Variants in C8orf76 observed in about 807,000 individuals in gnomAD.
The protein encoded by C8orf76 is uncharacterized protein C8orf76.
C8orf76 carries 46 observed loss-of-function variants against 38.1 expected under a neutral mutation model. The ratio of observed to expected loss-of-function variants is 1.21; its 90% confidence interval spans 0.95 to 1.54. C8orf76 has a LOEUF of 1.54. Among genes scored for constraint, C8orf76 ranks in the 40% most tolerant of loss-of-function variants. C8orf76 has a pLI of 0.00. For missense variants in C8orf76, 461 were observed against 441.6 expected, an observed-to-expected ratio of 1.04 and a Z score of -0.39; for synonymous variants, 166 against 167.5, an observed-to-expected ratio of 0.99 and a Z score of 0.07.
At chr8:123,226,323 G>A (rs1390918773) in intron 5 of C8orf76, 177 bp downstream of exon 5, 1 of 1,455,624 alleles carries the variant, frequency 6.9e-7, no homozygotes. Context: ...GCACGCTGCA[G>A]GGGAATGCCG....
chr8:123,230,984 A>G (rs558967393), intron 4 of C8orf76, among the ~76,000 whole-genome samples: 7 of 152,152 alleles, frequency 4.6e-5, no homozygotes, highest in African/African-American at 1.7e-4. Flanking sequence ...TTTTTGTAGA[A>G]ATGGGATTTC....
At chr8:123,235,200 A>G (rs1211548760) in intron 3 of C8orf76, among the ~76,000 whole-genome samples, 1 of 152,198 alleles carries the variant, frequency 6.6e-6, no homozygotes, top group Non-Finnish European at 1.5e-5. Flanking sequence ...CTATAAGAAA[A>G]TGTTGTAATT....
At chr8:123,231,035 C>T (rs974055844) in intron 4 of C8orf76, among the ~76,000 whole-genome samples, 4 of 152,152 alleles carry the variant, frequency 2.6e-5, no homozygotes, top group African/African-American at 9.7e-5. Flanking sequence ...TGAGCTCAAA[C>T]GATCCACCTG....
At chr8:123,234,044 T>C (rs1169931062) in intron 3 of C8orf76, among the ~76,000 whole-genome samples, 1 of 149,542 alleles carries the variant, frequency 6.7e-6, no homozygotes, top group Admixed American at 6.7e-5. Flanking sequence ...AAAAAAAAAA[T>C]CTATTTAAAT....
chr8:123,231,675 T>G lies in C8orf76; in HGVS notation c.440A>C (p.Glu147Ala). Residue 147 changes from glutamate to alanine, a missense_variant, in exon 4 of 6, where the codon GAG becomes GCG. Physicochemically the swap from Glu to Ala is moderately radical, Grantham distance 107. Transcript: ENST00000276704. Reference sequence around the variant, plus strand: ...TTTCTGCAGGCAGAAAATTGTTTTCTCCAAGTTCTGCAAACTTGAACAAAT... The same window carrying G: ...TTTCTGCAGGCAGAAAATTGTTTTCGCCAAGTTCTGCAAACTTGAACAAAT... The part of the protein sequence containing the change: ...LAICSSLQNL[E>A]KTIFCLQKLI... 6.2e-7 allele frequency: 1 copy of G among 1,614,020 alleles called. No homozygotes were observed. Among genetic ancestry groups the G allele is most frequent in the Non-Finnish European group, 8.5e-7 (1 of 1,180,038 alleles).
Position 123,233,024 on chromosome 8 carries a change from C to CT in C8orf76, c.358-1268dup, listed in dbSNP as rs75156665. ...TATAGGGCTTTATATTGTTCAAAAA[C>CT]TTTTTTTTTTTTTGAGACAGAGTTT... On this transcript the variant is annotated intron_variant, in intron 3 of 5. Coordinates refer to ENST00000276704, the MANE Select transcript of C8orf76 (RefSeq NM_032847.3). Among the ~76,000 whole-genome samples, 188 of 146,170 alleles carry CT rather than the reference C, an allele frequency of 1.3e-3. 1 individual carries two copies. The highest frequency in any genetic ancestry group is 9.1e-3 in the South Asian group (42 of 4,612).
At position 123,226,547 on chromosome 8, in the gene C8orf76, T is replaced by C; in HGVS notation, c.901A>G (p.Met301Val). The change falls in exon 5 of 6, where the codon ATG (methionine) becomes GTG (valine). Residue 301 changes from methionine (M) to valine (V), a missense_variant. By Grantham distance (21) the Met-to-Val change is conservative. Transcript: ENST00000276704. ...LRTQQEIEDK[M>V]KGFSFKEDTL... ...TCTTCTTTGAAGCTGAACCCTTTCA[T>C]TTTATCTTCAATTTCCTGCTGAGTC... is the stretch of plus-strand genomic sequence containing the variant. 1 of 1,613,782 alleles carries C rather than the reference T, an allele frequency of 6.2e-7. No individual in the cohort carries two copies. The highest frequency in any genetic ancestry group is 2.2e-5 in the East Asian group (1 of 44,848).
chr8:123,239,323 C>A, intron 1 of C8orf76, 179 bp from the exon 2 acceptor site: 2 of 573,670 alleles, frequency 3.5e-6, no homozygotes, highest in East Asian at 6.7e-5. Context: ...CCTTGGCCTC[C>A]CAAAGTGCTG....
At chr8:123,228,660 C>A (rs1825132537) in intron 4 of C8orf76, among the ~76,000 whole-genome samples, 2 of 151,882 alleles carry the variant, frequency 1.3e-5, no homozygotes, top group African/African-American at 4.8e-5. Flanking sequence ...CACACACACA[C>A]AGGTCTTATC....
chr8:123,231,742 T>G lies in C8orf76; in HGVS notation c.373A>C (p.Asn125His). 1 of 1,581,428 alleles carries G rather than the reference T, an allele frequency of 6.3e-7. No homozygotes were observed. Among genetic ancestry groups the G allele is most frequent in the South Asian group, 1.2e-5 (1 of 86,182 alleles). The change falls in exon 4 of 6, where the codon AAC (asparagine) becomes CAC (histidine). Residue 125 changes from asparagine (N) to histidine (H), a missense_variant. By Grantham distance (68) the Asn-to-His change is moderately conservative. Coordinates refer to ENST00000276704, the MANE Select transcript of C8orf76 (RefSeq NM_032847.3). ...IAANLENKATNTDHLTTVLYL... is the reference protein window; with the variant it reads ...IAANLENKATHTDHLTTVLYL... Reference sequence around the variant, plus strand: ...AGTACCGTGGTTAAATGGTCTGTGTTGGTTGCTTTATTTTCCTAAGGAGAA... The same window carrying G: ...AGTACCGTGGTTAAATGGTCTGTGTGGGTTGCTTTATTTTCCTAAGGAGAA...
intron 5 of C8orf76, among the ~76,000 whole-genome samples, chr8:123,221,266 C>G (rs554029869): frequency 1.3e-5 from 2 of 152,162 alleles, no homozygotes; most frequent in Non-Finnish European, 2.9e-5. Context: ...TTCTAAGATA[C>G]TTTTTTGTTT....
chr8:123,235,997 C>T (rs1365742057), intron 3 of C8orf76, among the ~76,000 whole-genome samples: 2 of 152,180 alleles, frequency 1.3e-5, no homozygotes, highest in South Asian at 2.1e-4. Flanking sequence ...CTCATGCAAA[C>T]GCTTAGGAAG....
intron 3 of C8orf76, among the ~76,000 whole-genome samples, chr8:123,235,871 G>A (rs1338080203): frequency 5.9e-5 from 9 of 152,196 alleles, no homozygotes; most frequent in Admixed American, 5.9e-4. Flanking sequence ...GAAACGCCGA[G>A]CGAGCAGGAC....
At chr8:123,240,208 G>A (rs879101379) in intron 1 of C8orf76, among the ~76,000 whole-genome samples, 1 of 152,242 alleles carries the variant, frequency 6.6e-6, no homozygotes. Context: ...TGGAATTCAA[G>A]AGTCCTATCT....
At position 123,231,588 on chromosome 8, in the gene C8orf76, T is replaced by C; in HGVS notation, c.527A>G (p.Asn176Ser). The change falls in exon 4 of 6, where the codon AAT (asparagine) becomes AGT (serine). Residue 176 changes from asparagine (N) to serine (S), a missense_variant. By Grantham distance (46) the Asn-to-Ser change is conservative. Coordinates refer to ENST00000276704, the MANE Select transcript of C8orf76 (RefSeq NM_032847.3). ...NWGKLAEAYL[N>S]LGPALSAALA... ...TGCTGCTGAAAGAGCTGGCCCCAGA[T>C]TCAGGTAAGCCTCTGCCAATTTGCC... is the stretch of plus-strand genomic sequence containing the variant. The C allele has an allele frequency of 6.2e-7, 1 of 1,614,238 alleles. No homozygotes were observed. Among genetic ancestry groups the C allele is most frequent in the South Asian group, 1.1e-5 (1 of 91,092 alleles).
At chr8:123,234,775 A>G (rs991314790) in intron 3 of C8orf76, among the ~76,000 whole-genome samples, 5 of 151,378 alleles carry the variant, frequency 3.3e-5, no homozygotes, top group African/African-American at 1.2e-4. Flanking sequence ...TCTAAAAAAC[A>G]AAAAAACAAA....
chr8:123,240,824 G>C (rs1245902743), intron 1 of C8orf76, among the ~76,000 whole-genome samples: 1 of 152,232 alleles, frequency 6.6e-6, no homozygotes, highest in Non-Finnish European at 1.5e-5. Flanking sequence ...GCGCGGGGTT[G>C]GTACGGGCAG....
chr8:123,220,509 A>AGG (rs1824872344), intron 5 of C8orf76, among the ~76,000 whole-genome samples: 3 of 152,220 alleles, frequency 2.0e-5, no homozygotes, highest in Non-Finnish European at 1.5e-5. Flanking sequence ...TGATCTCAGA[A>AGG]GTAGTTATCC....
intron 4 of C8orf76, among the ~76,000 whole-genome samples, chr8:123,227,877 G>C (rs1236383722): frequency 4.6e-5 from 7 of 152,156 alleles, no homozygotes; most frequent in African/African-American, 1.7e-4. Context: ...TCATCTGTCT[G>C]CTTCAGTCTG....
Sources: allele counts gnomAD v4.1 joint callset (sites outside exome capture counted in the v4.1 genomes callset), GRCh38; gene constraint gnomAD v4.1.1; transcripts MANE v1.5; gene names NCBI Gene and HGNC (gene_info 2026-07-23, HGNC 2026-07-21).